Variants in COLGALT1 observed in about 807,000 individuals in gnomAD.
COLGALT1 encodes collagen beta(1-O)galactosyltransferase 1.
Under a neutral mutation model 60.8 loss-of-function variants are expected in COLGALT1, and 43 were observed. The observed-to-expected ratio is 0.71, with a 90% CI of 0.55 to 0.91. The LOEUF is 0.91. Ranked by LOEUF, COLGALT1 falls within the 40% of genes least tolerant of loss-of-function variation. The probability of loss-of-function intolerance (pLI) is 0.00; values close to 1 mark genes in which losing one functional copy is unlikely to be tolerated. For missense variants in COLGALT1, 845 were observed against 880.0 expected, an observed-to-expected ratio of 0.96 and a Z score of 0.50; for synonymous variants, 369 against 374.2, an observed-to-expected ratio of 0.99 and a Z score of 0.16.
intron 1 of COLGALT1, among the ~76,000 whole-genome samples, chr19:17,556,965 G>GT (rs974486654): frequency 9.9e-5 from 15 of 152,140 alleles, no homozygotes; most frequent in Non-Finnish European, 1.9e-4. Flanking sequence ...CTCTTTTTGG[G>GT]TTTGTCTCTG....
At chr19:17,560,324 C>G in intron 2 of COLGALT1, 24 bp from the exon 3 acceptor site, 2 of 1,568,516 alleles carry the variant, frequency 1.3e-6, no homozygotes, top group South Asian at 1.1e-5. Flanking sequence ...TTGTGATGTC[C>G]ACATCACAGC....
At chr19:17,562,071 A>C (rs1291020170) in intron 3 of COLGALT1, among the ~76,000 whole-genome samples, 4 of 152,230 alleles carry the variant, frequency 2.6e-5, no homozygotes, top group East Asian at 3.9e-4. Context: ...GGGTTTCGCC[A>C]TGTTGGCCAG....
intron 3 of COLGALT1, among the ~76,000 whole-genome samples, chr19:17,562,287 C>G (rs979522220): frequency 2.0e-5 from 3 of 152,152 alleles, no homozygotes; most frequent in Non-Finnish European, 4.4e-5. Flanking sequence ...AGTGGAGGCA[C>G]TTGGTGTCTA....
Position 17,567,404 on chromosome 19 carries a change from A to G in COLGALT1, c.490-2A>G. 3 of 1,613,480 alleles carry G rather than the reference A, an allele frequency of 1.9e-6. No individual in the cohort carries two copies. Among genetic ancestry groups the G allele is most frequent in the Non-Finnish European group, 2.5e-6 (3 of 1,179,660 alleles). ...GCTGATGCTTTGTGGGGTGTTCTGCAGTTTGTAGATGCGGACAACCTGATC... is the reference window on the plus strand; with the variant it reads ...GCTGATGCTTTGTGGGGTGTTCTGCGGTTTGTAGATGCGGACAACCTGATC... On this transcript the variant is annotated splice_acceptor_variant, in intron 3 of 11. Coordinates refer to ENST00000252599, the MANE Select transcript of COLGALT1 (RefSeq NM_024656.4). LOFTEE classifies it high-confidence loss of function.
At chr19:17,557,781 T>C (rs1264761120) in intron 1 of COLGALT1, among the ~76,000 whole-genome samples, 1 of 152,144 alleles carries the variant, frequency 6.6e-6, no homozygotes, top group African/African-American at 2.4e-5. Flanking sequence ...TTTGTATTTT[T>C]TCTAGAGATG....
chr19:17,579,784 G>T (rs2076367969), intron 10 of COLGALT1, among the ~76,000 whole-genome samples, 175 bp downstream of exon 10: 1 of 151,988 alleles, frequency 6.6e-6, no homozygotes, highest in Admixed American at 6.6e-5. Flanking sequence ...TTAGAGGTGG[G>T]GCTGGGAGGC....
At chr19:17,564,151 G>A (rs1446423439) in intron 3 of COLGALT1, among the ~76,000 whole-genome samples, 1 of 151,904 alleles carries the variant, frequency 6.6e-6, no homozygotes, top group Non-Finnish European at 1.5e-5. Flanking sequence ...GGGAGGCTGA[G>A]GTGGGAGGAT....
chr19:17,569,415 CT>C (rs1192600736), intron 5 of COLGALT1, among the ~76,000 whole-genome samples: 1 of 151,252 alleles, frequency 6.6e-6, no homozygotes, highest in Non-Finnish European at 1.5e-5. Flanking sequence ...AATCTTCATA[CT>C]TTTCTATATT....
chr19:17,579,459 T>G lies in COLGALT1; in HGVS notation c.1267-23T>G, dbSNP rs141915331. 48 of 1,607,810 alleles carry G rather than the reference T, an allele frequency of 3.0e-5. No homozygotes were observed. In the Admixed American group the frequency reaches 7.9e-4, roughly 26 times the overall value. ...AGGCCTGGCCTTGGCCTCCCTGTGA[T>G]GTGGCGGGGCTTCCTCCCTCAGGTG... On this transcript the variant is annotated intron_variant, in intron 9 of 11. Transcript: ENST00000252599.
chr19:17,580,742 G>C lies in COLGALT1; in HGVS notation c.1438G>C (p.Ala480Pro). 1 of 1,614,044 alleles carries C rather than the reference G, an allele frequency of 6.2e-7. No homozygotes were observed. The highest frequency in any genetic ancestry group is 8.5e-7 in the Non-Finnish European group (1 of 1,180,022). The change falls in exon 11 of 12, where the codon GCT becomes CCT. Residue 480 changes from alanine (A) to proline (P), a missense_variant. Physicochemically the swap from Ala to Pro is conservative, Grantham distance 27 (BLOSUM62 -1). Coordinates refer to ENST00000252599, the MANE Select transcript of COLGALT1 (RefSeq NM_024656.4). ...GATGCAGGTGGAGCACCCCGAGAAGGCTGTGCCTCGCGTGAGGAACCTGGT... is the reference window on the plus strand; with the variant it reads ...GATGCAGGTGGAGCACCCCGAGAAGCCTGTGCCTCGCGTGAGGAACCTGGT... ...KRMQVEHPEK[A>P]VPRVRNLVEA...
intron 1 of COLGALT1, among the ~76,000 whole-genome samples, chr19:17,558,085 C>T (rs2144813235): frequency 6.6e-6 from 1 of 151,564 alleles, no homozygotes; most frequent in South Asian, 2.1e-4. Context: ...TTACAGGTGC[C>T]CGCCACCACA....
At chr19:17,560,941 A>T (rs1257359156) in intron 3 of COLGALT1, among the ~76,000 whole-genome samples, 1 of 151,826 alleles carries the variant, frequency 6.6e-6, no homozygotes, top group Non-Finnish European at 1.5e-5. Context: ...ATGGTGGCTC[A>T]TGCCTATAAT....
At chr19:17,575,416 T>G (rs2076335545) in intron 6 of COLGALT1, among the ~76,000 whole-genome samples, 1 of 152,054 alleles carries the variant, frequency 6.6e-6, no homozygotes, top group Non-Finnish European at 1.5e-5. Flanking sequence ...CGGCTAATTT[T>G]TTGTATTTTT....
At chr19:17,577,010 T>TGGGG in intron 6 of COLGALT1, 185 bp from the exon 7 acceptor site, 1 of 362,212 alleles carries the variant, frequency 2.8e-6, no homozygotes, top group Admixed American at 4.3e-5. Context: ...GGCTTTGGGC[T>TGGGG]GCTGTGCAGG....
chr19:17,569,295 G>A (rs1050037140), intron 5 of COLGALT1, among the ~76,000 whole-genome samples: 2 of 152,034 alleles, frequency 1.3e-5, no homozygotes, highest in African/African-American at 2.4e-5. Context: ...ATTTTGTCAC[G>A]TGCATAGATT....
chr19:17,560,395 A>G lies in COLGALT1; in HGVS notation c.419A>G (p.Tyr140Cys). The G allele has an allele frequency of 6.2e-7, 1 of 1,614,162 alleles. No homozygotes were observed. The highest frequency in any genetic ancestry group is 8.5e-7 in the Non-Finnish European group (1 of 1,180,026). ...CCGAAACACTGGTCTGACTCACGCTACGAGCATGTCATGAAGTTGCGCCAG... is the reference window on the plus strand; with the variant it reads ...CCGAAACACTGGTCTGACTCACGCTGCGAGCATGTCATGAAGTTGCGCCAG... ...EGPKHWSDSR[Y>C]EHVMKLRQAA... The change falls in exon 3 of 12, where the codon TAC becomes TGC. Residue 140 changes from tyrosine (Y) to cysteine (C), a missense_variant. Physicochemically the swap from Tyr to Cys is radical, Grantham distance 194. Transcript: ENST00000252599.
chr19:17,577,879 G>GGGT (rs2076354017), intron 8 of COLGALT1, 78 bp from the exon 9 acceptor site: 6 of 1,542,596 alleles, frequency 3.9e-6, no homozygotes, highest in South Asian at 1.2e-5. Context: ...ACGCCGCAGG[G>GGGT]GGTGGTGGAA....
chr19:17,562,192 CAAAA>C (rs931330817), intron 3 of COLGALT1, among the ~76,000 whole-genome samples: 1 of 151,602 alleles, frequency 6.6e-6, no homozygotes, highest in African/African-American at 2.4e-5. Flanking sequence ...AACAAACAAA[CAAAA>C]AGCAGAAAAG....
intron 1 of COLGALT1, among the ~76,000 whole-genome samples, chr19:17,558,233 C>G (rs892291799): frequency 1.3e-5 from 2 of 151,830 alleles, no homozygotes; most frequent in Admixed American, 6.6e-5. Context: ...GCCACCATGC[C>G]CGGCCTAATT....
Sources: gnomAD v4.1 joint callset for allele counts (sites outside exome capture counted in the v4.1 genomes callset) on GRCh38, gnomAD v4.1.1 for gene constraint, MANE v1.5 for transcripts, NCBI Gene and HGNC (gene_info 2026-07-23, HGNC 2026-07-21) for gene names.